Variants in UNK observed in about 807,000 individuals in gnomAD.
The protein encoded by UNK is unk zinc finger.
UNK carries 32 observed loss-of-function variants against 97.6 expected under a neutral mutation model. The ratio of observed to expected loss-of-function variants is 0.33; its 90% CI spans 0.25 to 0.44. The LOEUF (loss-of-function observed/expected upper bound fraction) is 0.44, where lower values mean the gene tolerates loss of function less well. UNK is among the 20% of genes least tolerant of loss of function. The probability of loss-of-function intolerance (pLI) is 1.00; values close to 1 mark genes in which losing one functional copy is unlikely to be tolerated. For synonymous variants in UNK, 441 were observed against 461.2 expected (o/e 0.96, Z 0.56); for missense variants, 771 against 1,098.4 (o/e 0.70, Z 4.21).
At chr17:75,802,318 G>A (rs974867524) in intron 1 of UNK, among the ~76,000 whole-genome samples, 2 of 123,506 alleles carry the variant, frequency 1.6e-5, no homozygotes, top group African/African-American at 6.0e-5. Flanking sequence ...GCATGCAGTG[G>A]TGCAACCGTA....
At chr17:75,787,162 G>A (rs2061720029) in intron 1 of UNK, among the ~76,000 whole-genome samples, 1 of 152,176 alleles carries the variant, frequency 6.6e-6, no homozygotes, top group South Asian at 2.1e-4. Flanking sequence ...GGGCTGAGGT[G>A]CAGGGAGCAT....
Position 75,817,547 on chromosome 17 carries a change from C to T in UNK, c.1305+21C>T, listed in dbSNP as rs1404122380. Reference sequence around the variant, plus strand: ...GCCAGGTAAGGGATGAGGGAGGCAGCAGTGAGGTTAGCCTTCTCCTGCGTG... The same window carrying T: ...GCCAGGTAAGGGATGAGGGAGGCAGTAGTGAGGTTAGCCTTCTCCTGCGTG... On this transcript the variant is annotated intron_variant, in intron 9 of 15. Transcript: ENST00000589666. The surrounding 1 kb of genome is among the most constrained non-coding windows in gnomAD (Gnocchi z 5.8). The T allele has an allele frequency of 2.5e-6, 4 of 1,585,970 alleles. No individual in the cohort carries two copies. The highest frequency in any genetic ancestry group is 3.4e-6 in the Non-Finnish European group (4 of 1,163,736).
chr17:75,810,987 GAATGGGCACCTGCTTCC>G (rs2061964128), intron 2 of UNK, among the ~76,000 whole-genome samples: 2 of 151,026 alleles, frequency 1.3e-5, no homozygotes, highest in Non-Finnish European at 2.9e-5. Flanking sequence ...GCCGAGGCTG[GAATGGGCACCTGCTTCC>G]ACTGGCACTT....
Position 75,819,989 on chromosome 17 carries a change from A to C in UNK, c.1718A>C (p.His573Pro). Residue 573 changes from histidine to proline, a missense_variant, in exon 13 of 16, where the codon CAC becomes CCC. Physicochemically the swap from His to Pro is moderately conservative, Grantham distance 77. Coordinates refer to ENST00000589666, the MANE Select transcript of UNK (RefSeq NM_001080419.3). The surrounding 1 kb of genome is among the most constrained non-coding windows in gnomAD (Gnocchi z 5.4). ...PGSLGSSASF[H>P]SASPSPPVSL... ...TCCTTGGGCAGCTCTGCCTCCTTCC[A>C]CTCAGCATCCCCGTCCCCTCCCGTC... 1 of 1,613,452 alleles carries C rather than the reference A, an allele frequency of 6.2e-7. No individual in the cohort carries two copies. The highest frequency in any genetic ancestry group is 1.1e-5 in the South Asian group (1 of 91,054).
At chr17:75,821,348 G>A in intron 13 of UNK, 1 of 456,444 alleles carries the variant, frequency 2.2e-6, no homozygotes, top group Non-Finnish European at 4.4e-6. Flanking sequence ...TGTGGCCAGT[G>A]TGGGAAGCAG....
Position 75,822,590 on chromosome 17 carries a change from C to T in UNK, c.1951C>T (p.Arg651Trp), listed in dbSNP as rs756244312. 10 of 1,613,504 alleles carry T rather than the reference C, an allele frequency of 6.2e-6. No homozygotes were observed. Among genetic ancestry groups the T allele is most frequent in the Non-Finnish European group, 8.5e-6 (10 of 1,179,824 alleles). Residue 651 changes from arginine to tryptophan, a missense_variant, in exon 14 of 16, where the codon CGG becomes TGG. Coordinates refer to ENST00000589666, the MANE Select transcript of UNK (RefSeq NM_001080419.3). Reference protein sequence around the residue: ...GPGAAELARLRQELDEANSTI... With the variant: ...GPGAAELARLWQELDEANSTI... ...AGGGGCTGCCGAGCTGGCCCGACTT[C>T]GGCAAGAGCTGGATGAAGCCAACAG...
chr17:75,812,676 C>G, intron 4 of UNK, 91 bp downstream of exon 4: 2 of 1,511,498 alleles, frequency 1.3e-6, no homozygotes, highest in Non-Finnish European at 1.8e-6. Context: ...ACTGCCTGCT[C>G]TAGCCGAGGC....
At position 75,817,931 on chromosome 17, in the gene UNK, G is replaced by T. The variant is rs1056200949; in HGVS notation, c.1306-172G>T. Among the ~76,000 whole-genome samples, 1 of 152,036 alleles carries T rather than the reference G, an allele frequency of 6.6e-6. No homozygotes were observed. The highest frequency in any genetic ancestry group is 1.5e-5 in the Non-Finnish European group (1 of 67,980). On this transcript the variant is annotated intron_variant, in intron 9 of 15. Coordinates refer to ENST00000589666, the MANE Select transcript of UNK (RefSeq NM_001080419.3). The surrounding 1 kb of genome is among the most constrained non-coding windows in gnomAD (Gnocchi z 5.8). Reference sequence around the variant, plus strand: ...AGGAGAAGGGCAGCTCCCTGCTTAGGGTAGGGGAAGGGAGTAGGGGGTGGG... The same window carrying T: ...AGGAGAAGGGCAGCTCCCTGCTTAGTGTAGGGGAAGGGAGTAGGGGGTGGG...
chr17:75,817,996 T>C lies in UNK; in HGVS notation c.1306-107T>C. ...TGTGTGCATGCATGTGAAGAGGGGT[T>C]GCATGTCTGCCACCACCTGCCCCCT... On this transcript the variant is annotated intron_variant, in intron 9 of 15. Coordinates refer to ENST00000589666, the MANE Select transcript of UNK (RefSeq NM_001080419.3). This position sits in a 1 kb window ranked among gnomAD's most constrained non-coding sequence, Gnocchi z 5.8. 1 of 1,046,304 alleles carries C rather than the reference T, an allele frequency of 9.6e-7. No homozygotes were observed. The allele number at this position is 1,046,304 out of a possible 1,614,324, so 64.8% of individuals were successfully genotyped here.
At chr17:75,823,835 C>CCAGTGAGGCCCAGGA (rs1468372302) in intron 15 of UNK, among the ~76,000 whole-genome samples, 1 of 152,208 alleles carries the variant, frequency 6.6e-6, no homozygotes, top group Non-Finnish European at 1.5e-5. Context: ...AGCGGGCCTT[C>CCAGTGAGGCCCAGGA]CAGTGAGGCC....
chr17:75,796,924 C>T (rs933442466), intron 1 of UNK, among the ~76,000 whole-genome samples: 14 of 152,072 alleles, frequency 9.2e-5, no homozygotes, highest in Non-Finnish European at 1.3e-4. Flanking sequence ...TTTGATAAGC[C>T]GTGAATTATG....
chr17:75,821,529 C>A, intron 13 of UNK: 1 of 445,896 alleles, frequency 2.2e-6, no homozygotes, highest in Non-Finnish European at 4.5e-6. Flanking sequence ...TGGGATGGGG[C>A]AGATGGCTCA....
intron 1 of UNK, among the ~76,000 whole-genome samples, chr17:75,791,395 T>C (rs1473655359): frequency 1.3e-5 from 2 of 152,222 alleles, no homozygotes; most frequent in East Asian, 1.9e-4. Flanking sequence ...ATCCTGGACA[T>C]GAACATGTAT....
At chr17:75,805,465 A>C (rs2061904009) in intron 1 of UNK, among the ~76,000 whole-genome samples, 1 of 151,618 alleles carries the variant, frequency 6.6e-6, no homozygotes, top group African/African-American at 2.4e-5. Flanking sequence ...ATACCTATGT[A>C]TGTGAAAAGA....
intron 1 of UNK, chr17:75,794,116 T>G (rs1306379147): frequency 1.0e-6 from 1 of 981,698 alleles, no homozygotes; most frequent in Non-Finnish European, 1.2e-6. Flanking sequence ...CAAAGTAACG[T>G]CTGTTTTACT....
At chr17:75,797,977 G>T (rs2061821799) in intron 1 of UNK, among the ~76,000 whole-genome samples, 1 of 151,726 alleles carries the variant, frequency 6.6e-6, no homozygotes, top group Non-Finnish European at 1.5e-5. Context: ...CAAATCTGTA[G>T]GTTTGTCCAA....
intron 1 of UNK, among the ~76,000 whole-genome samples, chr17:75,802,407 G>T (rs998722223): frequency 6.6e-6 from 1 of 151,774 alleles, no homozygotes; most frequent in African/African-American, 2.4e-5. Flanking sequence ...ACAGGTGCAT[G>T]CCTGGCTTAG....
chr17:75,809,084 C>T (rs1053809008), intron 1 of UNK: 8 of 5,776 alleles, frequency 1.4e-3, no homozygotes, highest in South Asian at 8.7e-3. Context: ...CAGGCTGGAG[C>T]GGCGGGGGCG....
chr17:75,805,811 TGTG>T (rs1341959237), intron 1 of UNK, among the ~76,000 whole-genome samples: 1 of 30,024 alleles, frequency 3.3e-5, no homozygotes, highest in Non-Finnish European at 5.5e-5. Flanking sequence ...AAAAGAAAAA[TGTG>T]TGTGTGTGTG....
Sources: gnomAD v4.1 joint callset for allele counts (sites outside exome capture counted in the v4.1 genomes callset) on GRCh38, gnomAD v4.1.1 for gene constraint, Gnocchi (gnomAD v3.1) non-coding constraint, MANE v1.5 for transcripts, NCBI Gene and HGNC (gene_info 2026-07-23, HGNC 2026-07-21) for gene names.